UBE2E2: variants seen among roughly 807,000 people sequenced by gnomAD.
The protein encoded by UBE2E2 is ubiquitin conjugating enzyme E2 E2, also known as ubiquitin-conjugating enzyme E2 E2.
A neutral mutation model predicts 24.7 loss-of-function variants in UBE2E2; 6 were observed. That is an observed-to-expected ratio of 0.24 (90% CI 0.13 to 0.48). The LOEUF (loss-of-function observed/expected upper bound fraction) is 0.48, where lower values mean the gene tolerates loss of function less well. Ranked by LOEUF, UBE2E2 falls within the 20% of genes least tolerant of loss-of-function variation. The pLI, the probability that UBE2E2 is intolerant of heterozygous loss-of-function variation, is 0.99. For synonymous variants in UBE2E2, 104 were observed against 83.6 expected (o/e 1.24, Z -1.33); for missense variants, 169 against 245.0 (o/e 0.69, Z 2.07).
At chr3:23,584,054 T>C (rs1696548449) in intron 5 of UBE2E2, among the ~76,000 whole-genome samples, 1 of 152,198 alleles carries the variant, frequency 6.6e-6, no homozygotes, top group South Asian at 2.1e-4. Context: ...GGCTGTGGGT[T>C]TTTCATAGAG....
At chr3:23,290,722 A>C (rs1698740280) in intron 3 of UBE2E2, among the ~76,000 whole-genome samples, 1 of 151,796 alleles carries the variant, frequency 6.6e-6, no homozygotes, top group African/African-American at 2.4e-5. Flanking sequence ...TAACTTTAAA[A>C]AATATCAAAT....
intron 3 of UBE2E2, among the ~76,000 whole-genome samples, chr3:23,388,674 G>A (rs1389731554): frequency 6.6e-6 from 1 of 151,880 alleles, no homozygotes; most frequent in Non-Finnish European, 1.5e-5. Flanking sequence ...TATTTAAATA[G>A]TATTTTTTAA....
At chr3:23,524,952 A>G (rs1336849637) in intron 4 of UBE2E2, among the ~76,000 whole-genome samples, 3 of 152,046 alleles carry the variant, frequency 2.0e-5, no homozygotes, top group East Asian at 3.9e-4. Flanking sequence ...TTGAAACAGT[A>G]TGAATTTATT....
intron 3 of UBE2E2, among the ~76,000 whole-genome samples, chr3:23,414,058 C>G (rs764235849): frequency 4.6e-5 from 7 of 152,204 alleles, no homozygotes; most frequent in Admixed American, 1.3e-4. Flanking sequence ...TCCCATTTAT[C>G]TGTGTCTTGA....
intron 3 of UBE2E2, among the ~76,000 whole-genome samples, chr3:23,405,427 A>T (rs1697332308): frequency 6.6e-6 from 1 of 152,144 alleles, no homozygotes; most frequent in Non-Finnish European, 1.5e-5. Flanking sequence ...TGACACACAG[A>T]AGTACTTTCT....
Position 23,327,922 on chromosome 3 carries a change from A to G in UBE2E2, c.227+110610A>G, listed in dbSNP as rs535138826. ...ATCTCAATTATAGGATGATAGAAGT[A>G]TGCTGATTTCTCGCTTAATAATTAT... is the stretch of plus-strand genomic sequence containing the variant. On this transcript the variant is annotated intron_variant, in intron 3 of 5. Coordinates refer to ENST00000396703, the MANE Select transcript of UBE2E2 (RefSeq NM_152653.4). Among the ~76,000 whole-genome samples, 3 of 152,310 alleles carry G rather than the reference A, an allele frequency of 2.0e-5. No homozygotes were observed. The East Asian group carries it at 5.8e-4, about 29-fold the overall frequency.
intron 3 of UBE2E2, among the ~76,000 whole-genome samples, chr3:23,308,793 A>T (rs1699301422): frequency 1.3e-5 from 2 of 152,186 alleles, no homozygotes; most frequent in Admixed American, 1.3e-4. Context: ...CTGGAGAATG[A>T]TGGAAGCCGG....
At position 23,560,821 on chromosome 3, in the gene UBE2E2, T is replaced by C. The variant is rs375005948; in HGVS notation, c.508+28120T>C. Among the ~76,000 whole-genome samples, 1,253 of 152,150 alleles carry C rather than the reference T, an allele frequency of 8.2e-3. 15 individuals carry two copies. Among genetic ancestry groups the C allele is most frequent in the African/African-American group, 0.028 (1,169 of 41,550 alleles). ...TTTGCATTTCTCTGATGGCCAGTGA[T>C]GATGAGCATTTTTTTCATGTGTCTG... On this transcript the variant is annotated intron_variant, in intron 5 of 5. Transcript: ENST00000396703.
chr3:23,544,359 A>C (rs1394769380), intron 5 of UBE2E2, among the ~76,000 whole-genome samples: 2 of 152,236 alleles, frequency 1.3e-5, no homozygotes, highest in Admixed American at 6.5e-5. Flanking sequence ...ATCAGCAAGA[A>C]AAAAACAGTC....
Position 23,516,563 on chromosome 3 carries a change from A to G in UBE2E2, c.361-15991A>G, listed in dbSNP as rs999318912. ...CAGTCAACAGTGTTTAGAAAATACT[A>G]TTCCTGCAGTATAATATCAAAGTGA... On this transcript the variant is annotated intron_variant, in intron 4 of 5. Coordinates refer to ENST00000396703, the MANE Select transcript of UBE2E2 (RefSeq NM_152653.4). 2.6e-5 allele frequency among the ~76,000 whole-genome samples: 4 copies of G among 152,182 alleles called. 1 individual carries two copies. The highest frequency in any genetic ancestry group is 4.4e-5 in the Non-Finnish European group (3 of 68,014).
At chr3:23,584,509 C>T (rs1364619644) in intron 5 of UBE2E2, among the ~76,000 whole-genome samples, 1 of 151,746 alleles carries the variant, frequency 6.6e-6, no homozygotes, top group Admixed American at 6.6e-5. Flanking sequence ...GTGCACATAC[C>T]ACAGATCTCA....
At chr3:23,271,363 T>C (rs1344418756) in intron 3 of UBE2E2, among the ~76,000 whole-genome samples, 1 of 152,134 alleles carries the variant, frequency 6.6e-6, no homozygotes, top group Non-Finnish European at 1.5e-5. Context: ...TCACGGTGAG[T>C]GTTGCAGCTC....
chr3:23,244,853 C>G (rs771518014), intron 3 of UBE2E2, among the ~76,000 whole-genome samples: 16 of 152,056 alleles, frequency 1.1e-4, no homozygotes, highest in Admixed American at 1.3e-4. Flanking sequence ...TTAGGTAAGA[C>G]TCCAAGGTAC....
intron 5 of UBE2E2, among the ~76,000 whole-genome samples, chr3:23,552,114 A>T (rs1695658634): frequency 6.6e-6 from 1 of 152,172 alleles, no homozygotes; most frequent in Non-Finnish European, 1.5e-5. Flanking sequence ...GAACTGAGAG[A>T]AATAAATTTC....
At chr3:23,454,586 A>G (rs1698634251) in intron 3 of UBE2E2, among the ~76,000 whole-genome samples, 1 of 152,244 alleles carries the variant, frequency 6.6e-6, no homozygotes, top group African/African-American at 2.4e-5. Flanking sequence ...AATACCTCAT[A>G]TAACACAGAC....
At position 23,268,679 on chromosome 3, in the gene UBE2E2, C is replaced by T. The variant is rs1399088145; in HGVS notation, c.227+51367C>T. 1.9e-4 allele frequency among the ~76,000 whole-genome samples: 29 copies of T among 149,604 alleles called. No homozygotes were observed. In the South Asian group the frequency reaches 1.9e-3, roughly 10 times the overall value. Reference sequence around the variant, plus strand: ...TCCCCATCAAGCTACCAATGAGTTTCTTCACAGAATTGGAAAAAACTACTT... The same window carrying T: ...TCCCCATCAAGCTACCAATGAGTTTTTTCACAGAATTGGAAAAAACTACTT... On this transcript the variant is annotated intron_variant, in intron 3 of 5. Transcript: ENST00000396703.
At chr3:23,219,422 C>G (rs754235077) in intron 3 of UBE2E2, among the ~76,000 whole-genome samples, 1 of 152,136 alleles carries the variant, frequency 6.6e-6, no homozygotes, top group Admixed American at 6.5e-5. Context: ...TGTAGTTAAT[C>G]TGCCCATCTG....
intron 4 of UBE2E2, 116 bp from the exon 5 acceptor site, chr3:23,532,438 A>G (rs991108712): frequency 5.7e-6 from 5 of 877,602 alleles, no homozygotes; most frequent in Non-Finnish European, 7.9e-6. Context: ...TATGTTAACC[A>G]ATAGCCTGGG....
chr3:23,270,319 C>T (rs17402608), intron 3 of UBE2E2, among the ~76,000 whole-genome samples: 2,488 of 152,176 alleles, frequency 0.016, 29 homozygotes, highest in Non-Finnish European at 0.023. Flanking sequence ...CCTTTGGGTG[C>T]CATGCATGTG....
Sources: gnomAD v4.1 joint callset for allele counts (sites outside exome capture counted in the v4.1 genomes callset) on GRCh38, gnomAD v4.1.1 for gene constraint, MANE v1.5 for transcripts, NCBI Gene and HGNC (gene_info 2026-07-23, HGNC 2026-07-21) for gene names.